The following HSPG2 variants were observed in gnomAD, a reference collection of about 807,000 sequenced individuals.
HSPG2 encodes heparan sulfate proteoglycan 2.
Under a neutral mutation model 526.6 loss-of-function variants are expected in HSPG2, and 278 were observed. The ratio of observed to expected loss-of-function variants is 0.53; its 90% CI spans 0.48 to 0.58. The LOEUF (loss-of-function observed/expected upper bound fraction) is 0.58, where lower values mean the gene tolerates loss of function less well. HSPG2 is among the 20% of genes least tolerant of loss of function. The pLI, the probability that HSPG2 is intolerant of heterozygous loss-of-function variation, is 0.00. For synonymous variants in HSPG2, 2,465 were observed against 2,555.4 expected, an observed-to-expected ratio of 0.96 and a Z score of 1.07; for missense variants, 5,354 against 6,099.5, an observed-to-expected ratio of 0.88 and a Z score of 4.07.
rs2097970157 is a variant in HSPG2 at position 21,825,580 on chromosome 1, G to A, written c.12590-801C>T. Among the ~76,000 whole-genome samples, 3 of 152,268 alleles carry A rather than the reference G, an allele frequency of 2.0e-5. No homozygotes were observed. The South Asian group carries it at 6.2e-4, about 32-fold the overall frequency. ...TGCTCATGACCCATCCCACAGGCCG[G>A]CACTGGCCACAGTAGCTCTGGCAGG... On this transcript the variant is annotated intron_variant, in intron 91 of 96. Transcript: ENST00000374695.
chr1:21,880,892 C>T, intron 14 of HSPG2, 57 bp from the exon 15 acceptor site: 1 of 1,474,342 alleles, frequency 6.8e-7, no homozygotes, highest in Non-Finnish European at 9.3e-7. Context: ...ACACCTCGTG[C>T]CTATGAGGTG....
chr1:21,848,109 G>A lies in HSPG2; in HGVS notation c.7738-16C>T. ...AGCCCACGATCTGCAGGAAGCAGAT[G>A]GCAGGAGGTATGGCAGTAGGTGTGG... On this transcript the variant is annotated splice_polypyrimidine_tract_variant and intron_variant, in intron 59 of 96. Coordinates refer to ENST00000374695, the MANE Select transcript of HSPG2 (RefSeq NM_005529.7). The surrounding 1 kb of genome is among the most constrained non-coding windows in gnomAD (Gnocchi z 4.9). The A allele has an allele frequency of 1.9e-6, 3 of 1,569,438 alleles. No individual in the cohort carries two copies. The highest frequency in any genetic ancestry group is 2.6e-6 in the Non-Finnish European group (3 of 1,158,224).
intron 33 of HSPG2, among the ~76,000 whole-genome samples, chr1:21,866,839 C>T (rs769984182): frequency 6.6e-6 from 1 of 152,196 alleles, no homozygotes; most frequent in Non-Finnish European, 1.5e-5. Flanking sequence ...CAGCATTTAT[C>T]AAACACCTGC....
In HSPG2 at chr1:21,893,405, T is replaced by C. The variant is rs931383055; in HGVS notation, c.244+2517A>G. The stretch of plus-strand genomic sequence containing the variant: ...CTGTGTCCTGGGCAGGGGCAGTGGC[T>C]GGCCTAGCCCCTGGACTCTGCAGGG... On this transcript the variant is annotated intron_variant, in intron 3 of 96. Coordinates refer to ENST00000374695, the MANE Select transcript of HSPG2 (RefSeq NM_005529.7). The surrounding 1 kb of genome is among the most constrained non-coding windows in gnomAD (Gnocchi z 4.3). Among the ~76,000 whole-genome samples, 10 of 152,320 alleles carry C rather than the reference T, an allele frequency of 6.6e-5. No homozygotes were observed. Among genetic ancestry groups the C allele is most frequent in the African/African-American group, 2.4e-4 (10 of 41,570 alleles).
intron 1 of HSPG2, among the ~76,000 whole-genome samples, chr1:21,926,039 A>G (rs566288379): frequency 6.6e-6 from 1 of 152,184 alleles, no homozygotes; most frequent in South Asian, 2.1e-4. Context: ...CATGTTGGCC[A>G]GGCTGCTCTC....
chr1:21,860,047 T>C, intron 40 of HSPG2, 45 bp from the exon 41 acceptor site: 2 of 1,603,776 alleles, frequency 1.2e-6, no homozygotes, highest in Non-Finnish European at 1.7e-6. Flanking sequence ...AGCATTGTCT[T>C]CAATATCTCT....
chr1:21,834,738 C>T lies in HSPG2; in HGVS notation c.10661G>A (p.Arg3554His), dbSNP rs144854184. 57 of 1,614,044 alleles carry T rather than the reference C, an allele frequency of 3.5e-5. No homozygotes were observed. The highest frequency in any genetic ancestry group is 5.3e-5 in the African/African-American group (4 of 74,918). Reference protein sequence around the residue: ...HVELADAGQYRCTATNAAGTT... With the variant: ...HVELADAGQYHCTATNAAGTT... ...GCCAGCTGCGTTGGTGGCAGTGCAG[C>T]GATACTGTCCCGCATCAGCCAGCTC... Residue 3554 changes from arginine to histidine, a missense_variant, in exon 77 of 97, where the codon CGC becomes CAC. Transcript: ENST00000374695.
Position 21,878,682 on chromosome 1 carries a change from C to G in HSPG2, c.2472-19G>C. The G allele has an allele frequency of 6.2e-7, 1 of 1,607,780 alleles. No individual in the cohort carries two copies. Among genetic ancestry groups the G allele is most frequent in the Admixed American group, 1.7e-5 (1 of 60,016 alleles). On this transcript the variant is annotated intron_variant, in intron 18 of 96. Coordinates refer to ENST00000374695, the MANE Select transcript of HSPG2 (RefSeq NM_005529.7). ...TGAGAATCTGCAGGTATCAAGTGGA[C>G]AGGGCATGGGGCAGGGCTGGGGTCA...
At chr1:21,913,024 T>C (rs916602770) in intron 1 of HSPG2, among the ~76,000 whole-genome samples, 2 of 150,216 alleles carry the variant, frequency 1.3e-5, no homozygotes, top group Non-Finnish European at 3.0e-5. Flanking sequence ...GTGTTAAGAA[T>C]GGTGCTTTTG....
intron 64 of HSPG2, among the ~76,000 whole-genome samples, chr1:21,845,477 C>T (rs1354803485): frequency 6.6e-6 from 1 of 152,068 alleles, no homozygotes; most frequent in African/African-American, 2.4e-5. Context: ...CTCCTGGGTT[C>T]AAGTGATTCT....
Position 21,874,958 on chromosome 1 carries a change from C to A in HSPG2, c.3347G>T (p.Gly1116Val). 2.5e-6 allele frequency: 4 copies of A among 1,611,076 alleles called. No individual in the cohort carries two copies. In the South Asian group the frequency reaches 3.3e-5, roughly 13 times the overall value. Reference protein sequence around the residue: ...SMDVAVPEETGQDPALEVEQC... With the variant: ...SMDVAVPEETVQDPALEVEQC... The stretch of plus-strand genomic sequence containing the variant: ...TTCCACTTCCAGCGCGGGGTCCTGG[C>A]CGGTTTCCTCGGGCACAGCCACGTC... Residue 1116 changes from glycine to valine, a missense_variant, in exon 26 of 97, where the codon GGC becomes GTC. Gly to Val is a moderately radical substitution (Grantham distance 109). Transcript: ENST00000374695.
intron 57 of HSPG2, among the ~76,000 whole-genome samples, chr1:21,849,742 C>G (rs182122250): frequency 1.3e-5 from 2 of 152,030 alleles, no homozygotes; most frequent in Non-Finnish European, 1.5e-5. Context: ...TGCAACGGCA[C>G]GATCTCGGCT....
At chr1:21,873,194 T>A (rs1300881737) in intron 30 of HSPG2, 103 bp from the exon 31 acceptor site, 3 of 1,176,842 alleles carry the variant, frequency 2.5e-6, no homozygotes, top group African/African-American at 3.0e-5. Flanking sequence ...ATTTCTGATG[T>A]GAGTACTCAA....
chr1:21,857,357 A>G lies in HSPG2; in HGVS notation c.5322T>C (p.Thr1774=), dbSNP rs1274293961. The change falls in exon 43 of 97, where the codon ACT becomes ACC. Residue 1774 remains threonine (T), a synonymous_variant. Coordinates refer to ENST00000374695, the MANE Select transcript of HSPG2 (RefSeq NM_005529.7). The part of the protein sequence containing the change: ...TEAPSKPITV[T]VEEQRSQSVR... Reference sequence around the variant, plus strand: ...CGCTCTGGCTCCGCTGCTCCTCCACAGTCACTGTGATGGGCTTGCTTGGAG... The same window carrying G: ...CGCTCTGGCTCCGCTGCTCCTCCACGGTCACTGTGATGGGCTTGCTTGGAG... 3 of 1,613,828 alleles carry G rather than the reference A, an allele frequency of 1.9e-6. No individual in the cohort carries two copies. In the Admixed American group the frequency reaches 5.0e-5, roughly 27 times the overall value.
Position 21,828,867 on chromosome 1 carries a change from T to G in HSPG2, c.12205A>C (p.Met4069Leu). 2 of 1,551,846 alleles carry G rather than the reference T, an allele frequency of 1.3e-6. No individual in the cohort carries two copies. Among genetic ancestry groups the G allele is most frequent in the Non-Finnish European group, 8.7e-7 (1 of 1,147,490 alleles). ...ACACAGCCGCGGAAGTGAGCGCTCA[T>G]GTTGGTGGCCGGGGACAGTGGCACG... ...PSVPLSPATNMSAHFRGCVGE... is the reference protein window; with the variant it reads ...PSVPLSPATNLSAHFRGCVGE... The change falls in exon 88 of 97, where the codon ATG becomes CTG. Residue 4069 changes from methionine to leucine, a missense_variant. By Grantham distance (15) the Met-to-Leu change is conservative. Transcript: ENST00000374695. The surrounding 1 kb of genome is among the most constrained non-coding windows in gnomAD (Gnocchi z 6.0).
rs192345205 is a variant in HSPG2 at position 21,888,647 on chromosome 1, C to G, written c.575-581G>C. 2.9e-6 allele frequency: 4 copies of G among 1,361,350 alleles called. No homozygotes were observed. In the East Asian group the frequency reaches 1.8e-4, roughly 62 times the overall value. The allele number at this position is 1,361,350 out of a possible 1,614,324, so 84.3% of individuals were successfully genotyped here. ...CTTCTCTAGGAACCTGGCTGGGCCT[C>G]GGCCTGGCTTACACTCTCACCTGGT... On this transcript the variant is annotated intron_variant, in intron 6 of 96. Coordinates refer to ENST00000374695, the MANE Select transcript of HSPG2 (RefSeq NM_005529.7).
chr1:21,867,136 A>G (rs377018168), intron 33 of HSPG2, among the ~76,000 whole-genome samples: 1 of 10,536 alleles, frequency 9.5e-5, no homozygotes, highest in Non-Finnish European at 2.7e-4. Flanking sequence ...TTTTTTTTTA[A>G]ATAGAGATGG....
intron 1 of HSPG2, among the ~76,000 whole-genome samples, chr1:21,916,675 G>A (rs909056830): frequency 7.2e-4 from 102 of 141,856 alleles, no homozygotes; most frequent in African/African-American, 2.4e-3. Context: ...CCAGGCGACA[G>A]TGCGAGACTC....
In HSPG2 at chr1:21,937,161, C is replaced by T; in HGVS notation, c.57G>A (p.Leu19=). The change falls in exon 1 of 97, where the codon CTG becomes CTA. Residue 19 remains leucine (L), a synonymous_variant. Transcript: ENST00000374695. ...LLLALLLHGR[L]LAVTHGLRAY... is the part of the protein sequence containing the mutation. The stretch of plus-strand genomic sequence containing the variant: ...CTCTGCCCCGCACACTCACCGCCAG[C>T]AGCCGCCCGTGCAGCAGCAGCGCCA... 9.5e-7 allele frequency: 1 copy of T among 1,055,718 alleles called. No homozygotes were observed. The highest frequency in any genetic ancestry group is 3.5e-5 in the Admixed American group (1 of 28,448). 65.4% of individuals were successfully genotyped at this position (1,055,718 alleles called of 1,614,324 possible).
Sources: gnomAD v4.1 joint callset for allele counts (sites outside exome capture counted in the v4.1 genomes callset) on GRCh38, gnomAD v4.1.1 for gene constraint, Gnocchi (gnomAD v3.1) non-coding constraint, MANE v1.5 for transcripts, NCBI Gene and HGNC (gene_info 2026-07-23, HGNC 2026-07-21) for gene names.